The following ITPR3 variants were observed in gnomAD, a reference collection of about 807,000 sequenced individuals.
ITPR3 encodes inositol 1,4,5-trisphosphate receptor type 3.
Under a neutral mutation model 293.2 loss-of-function variants are expected in ITPR3, and 173 were observed. That is an observed-to-expected ratio of 0.59 (90% CI 0.52 to 0.67). The LOEUF (loss-of-function observed/expected upper bound fraction) is 0.67. Ranked by LOEUF, ITPR3 falls within the 30% of genes least tolerant of loss-of-function variation. The probability of loss-of-function intolerance (pLI) is 0.00; values close to 1 mark genes in which losing one functional copy is unlikely to be tolerated. For synonymous variants in ITPR3, 1,295 were observed against 1,444.4 expected (o/e 0.90, Z 2.35); for missense variants, 2,796 against 3,592.1 (o/e 0.78, Z 5.66).
Position 33,640,621 on chromosome 6 carries a change from T to A in ITPR3, c.160+67T>A, listed in dbSNP as rs1354332459. The A allele has an allele frequency of 3.1e-6, 4 of 1,304,518 alleles. No homozygotes were observed. In the East Asian group the frequency reaches 9.6e-5, roughly 31 times the overall value. The allele number at this position is 1,304,518 out of a possible 1,614,324, so 80.8% of individuals were successfully genotyped here. On this transcript the variant is annotated intron_variant, in intron 2 of 57. Coordinates refer to ENST00000605930, the MANE Select transcript of ITPR3 (RefSeq NM_002224.4). ...CAGGGTTCTGGACCTGCGACTGAAT[T>A]TATTCAACTGCATTCAGCCCCAGTG...
chr6:33,623,653 T>A (rs979343722), intron 1 of ITPR3, among the ~76,000 whole-genome samples: 1 of 151,978 alleles, frequency 6.6e-6, no homozygotes, highest in African/African-American at 2.4e-5. Flanking sequence ...GGAAAACATC[T>A]TATTGCTTCT....
chr6:33,659,365 T>G, intron 6 of ITPR3, 101 bp from the exon 7 acceptor site: 1 of 1,107,950 alleles, frequency 9.0e-7, no homozygotes, highest in Non-Finnish European at 1.3e-6. Context: ...CCTGTCCTTG[T>G]GCTGTAATGG....
Position 33,670,188 on chromosome 6 carries a change from A to T in ITPR3, c.2190-137A>T. The T allele has an allele frequency of 1.1e-6, 1 of 893,104 alleles. No homozygotes were observed. The allele number at this position is 893,104 out of a possible 1,614,324, so 55.3% of individuals were successfully genotyped here. ...AGACAGGTTTTCCGTTCACCTTTCT[A>T]ACTCAGAATTGCAGCTGGCGCATCT... is the stretch of plus-strand genomic sequence containing the variant. On this transcript the variant is annotated intron_variant, in intron 18 of 57. Transcript: ENST00000605930. This position sits in a 1 kb window ranked among gnomAD's most constrained non-coding sequence, Gnocchi z 6.7.
rs1247571210 is a variant in ITPR3 at position 33,678,824 on chromosome 6, C to A, written c.3957C>A (p.Asp1319Glu). 2 of 1,612,810 alleles carry A rather than the reference C, an allele frequency of 1.2e-6. No individual in the cohort carries two copies. The highest frequency in any genetic ancestry group is 1.7e-6 in the Non-Finnish European group (2 of 1,179,644). The change falls in exon 30 of 58, where the codon GAC becomes GAA. Residue 1319 changes from aspartate to glutamate, a missense_variant. Physicochemically the swap from Asp to Glu is conservative, Grantham distance 45 (BLOSUM62 2). Transcript: ENST00000605930. The stretch of plus-strand genomic sequence containing the variant: ...GCAAGTACGTCAAGAAGTGCCAGGA[C>A]ATGATCATGACTGAGGTGAGGGCGG... ...AEGKYVKKCQDMIMTELTNAG... is the reference protein window; with the variant it reads ...AEGKYVKKCQEMIMTELTNAG...
rs1765534356 is a variant in ITPR3, at chr6:33,695,954, C to CA, written c.*175dup. On this transcript the variant is annotated 3_prime_UTR_variant, in exon 58 of 58. Coordinates refer to ENST00000605930, the MANE Select transcript of ITPR3 (RefSeq NM_002224.4). ...TTTGAAGAGCATGGAGGGGGAGCCT[C>CA]AGAGCTGACAGTCCTGCTTAGAGCC... 1.6e-6 allele frequency: 1 copy of CA among 616,032 alleles called. No individual in the cohort carries two copies. Among genetic ancestry groups the CA allele is most frequent in the East Asian group, 2.8e-5 (1 of 36,276 alleles). The allele number at this position is 616,032 out of a possible 1,614,324, so 38.2% of individuals were successfully genotyped here.
At chr6:33,668,004 C>T (rs376139142) in intron 16 of ITPR3, 40 bp downstream of exon 16, 119 of 1,606,826 alleles carry the variant, frequency 7.4e-5, no homozygotes, top group Non-Finnish European at 9.0e-5. Flanking sequence ...CCTGCTCCTC[C>T]CTCCTCCCTT....
chr6:33,662,210 T>C (rs961119115), intron 7 of ITPR3, among the ~76,000 whole-genome samples: 1 of 151,684 alleles, frequency 6.6e-6, no homozygotes, highest in African/African-American at 2.4e-5. Context: ...AGGGGGTGAC[T>C]GGAGATGGGC....
chr6:33,647,163 G>A (rs1764088481), intron 2 of ITPR3, among the ~76,000 whole-genome samples: 1 of 152,070 alleles, frequency 6.6e-6, no homozygotes, highest in African/African-American at 2.4e-5. Context: ...TGGGACTACA[G>A]GTGCGTGCCA....
At chr6:33,623,326 G>GTTTTTT (rs60711686) in intron 1 of ITPR3, among the ~76,000 whole-genome samples, 2 of 137,432 alleles carry the variant, frequency 1.5e-5, no homozygotes, top group Non-Finnish European at 1.5e-5. Flanking sequence ...TGTGAGTTTT[G>GTTTTTT]TTTTTTTTTT....
chr6:33,625,113 CT>C (rs1392222603), intron 1 of ITPR3, among the ~76,000 whole-genome samples: 1 of 152,296 alleles, frequency 6.6e-6, no homozygotes, highest in Admixed American at 6.5e-5. Flanking sequence ...GATGGAGTAG[CT>C]GATTAGGGCC....
At chr6:33,659,872 C>G (rs185151752) in intron 7 of ITPR3, among the ~76,000 whole-genome samples, 1 of 152,276 alleles carries the variant, frequency 6.6e-6, no homozygotes, top group African/African-American at 2.4e-5. Context: ...CCTTCCTCTC[C>G]CCAACTCCTG....
rs1763434426 is a variant in ITPR3 at position 33,621,481 on chromosome 6, C to G, written c.-122C>G. On this transcript the variant is annotated 5_prime_UTR_variant, in exon 1 of 58. Transcript: ENST00000605930. The surrounding 1 kb of genome is among the most constrained non-coding windows in gnomAD (Gnocchi z 7.7). ...GCCAGCCCGCCCCGGCCGCACCGAG[C>G]GTCGGGATCCGAGGTGGGAGCGTAC... The G allele has an allele frequency of 9.7e-6, 6 of 621,074 alleles. No individual in the cohort carries two copies. Among genetic ancestry groups the G allele is most frequent in the Admixed American group, 3.5e-5 (1 of 28,448 alleles). 38.5% of individuals were successfully genotyped at this position (621,074 alleles called of 1,614,324 possible).
At position 33,672,560 on chromosome 6, in the gene ITPR3, A is replaced by G. The variant is rs987219164; in HGVS notation, c.2928+332A>G. The stretch of plus-strand genomic sequence containing the variant: ...CCCCGTCTCTATTAAAAAAAATAGT[A>G]ATAACGATAAATAAATAAAAAGAAA... On this transcript the variant is annotated intron_variant, in intron 22 of 57. Coordinates refer to ENST00000605930, the MANE Select transcript of ITPR3 (RefSeq NM_002224.4). This position sits in a 1 kb window ranked among gnomAD's most constrained non-coding sequence, Gnocchi z 5.0. 1.3e-5 allele frequency among the ~76,000 whole-genome samples: 2 copies of G among 151,972 alleles called. No individual in the cohort carries two copies. Among genetic ancestry groups the G allele is most frequent in the African/African-American group, 2.4e-5 (1 of 41,364 alleles).
At position 33,695,961 on chromosome 6, in the gene ITPR3, G is replaced by T; in HGVS notation, c.*181G>T. On this transcript the variant is annotated 3_prime_UTR_variant, in exon 58 of 58. Transcript: ENST00000605930. ...AGCATGGAGGGGGAGCCTCAGAGCT[G>T]ACAGTCCTGCTTAGAGCCCTTAAAA... The T allele has an allele frequency of 1.6e-6, 1 of 611,382 alleles. No individual in the cohort carries two copies. Among genetic ancestry groups the T allele is most frequent in the South Asian group, 1.9e-5 (1 of 51,782 alleles). The allele number at this position is 611,382 out of a possible 1,614,324, so 37.9% of individuals were successfully genotyped here. A position where few individuals can be genotyped will look rare whatever the true frequency, so the allele number is the denominator to read the frequency against.
rs769536715 is a variant in ITPR3 at position 33,680,626 on chromosome 6, C to T, written c.4422C>T (p.Asp1474=). 2.5e-6 allele frequency: 4 copies of T among 1,614,022 alleles called. No homozygotes were observed. The highest frequency in any genetic ancestry group is 2.2e-5 in the South Asian group (2 of 91,092). The change falls in exon 33 of 58, where the codon GAC becomes GAT. Residue 1474 remains aspartate (D), a synonymous_variant. Coordinates refer to ENST00000605930, the MANE Select transcript of ITPR3 (RefSeq NM_002224.4). ...LEKYVLSVVL[D]TINAFFSSPF... is the part of the protein sequence containing the mutation. ...AGTACGTGCTGAGCGTTGTGCTGGA[C>T]ACCATCAACGCCTTCTTCAGCTCCC... is the stretch of plus-strand genomic sequence containing the variant.
At position 33,687,270 on chromosome 6, in the gene ITPR3, G is replaced by A; in HGVS notation, c.6120G>A (p.Glu2040=). The part of the protein sequence containing the change: ...KKAYLQEEER[E]NSEVSPREVG... ...CCTACCTGCAGGAGGAAGAGCGTGA[G>A]AACTCGGAGGTGAGCCCACGTGAAG... Residue 2040 remains glutamate (E), a synonymous_variant, in exon 45 of 58, where the codon GAG becomes GAA. Coordinates refer to ENST00000605930, the MANE Select transcript of ITPR3 (RefSeq NM_002224.4). This position sits in a 1 kb window ranked among gnomAD's most constrained non-coding sequence, Gnocchi z 5.3. 1.9e-6 allele frequency: 3 copies of A among 1,613,674 alleles called. No homozygotes were observed. The highest frequency in any genetic ancestry group is 2.5e-6 in the Non-Finnish European group (3 of 1,179,776).
Position 33,678,747 on chromosome 6 carries a change from G to T in ITPR3, c.3880G>T (p.Gly1294Trp). The change falls in exon 30 of 58, where the codon GGG becomes TGG. Residue 1294 changes from glycine (G) to tryptophan (W), a missense_variant. Physicochemically the swap from Gly to Trp is radical, Grantham distance 184. This residue lies in a region of ITPR3 where 344 missense variants were observed against 460.3 expected (regional missense o/e 0.75). Transcript: ENST00000605930. Reference protein sequence around the residue: ...QHFVHLLATHGRHVQYLDFLH... With the variant: ...QHFVHLLATHWRHVQYLDFLH... ...CTTCGTGCACCTGCTGGCCACGCACGGGCGCCATGTGCAGTACCTGGACTT... is the reference window on the plus strand; with the variant it reads ...CTTCGTGCACCTGCTGGCCACGCACTGGCGCCATGTGCAGTACCTGGACTT... The T allele has an allele frequency of 6.2e-7, 1 of 1,613,520 alleles. No homozygotes were observed. Among genetic ancestry groups the T allele is most frequent in the Non-Finnish European group, 8.5e-7 (1 of 1,179,882 alleles).
At position 33,670,961 on chromosome 6, in the gene ITPR3, A is replaced by G. The variant is rs541364140; in HGVS notation, c.2586+146A>G. ...CAGCCAGTGCAGGGGGACCGCATAGAAGGCTGGGATTCTCCAAGAGGCAGG... is the reference window on the plus strand; with the variant it reads ...CAGCCAGTGCAGGGGGACCGCATAGGAGGCTGGGATTCTCCAAGAGGCAGG... On this transcript the variant is annotated intron_variant, in intron 20 of 57. Coordinates refer to ENST00000605930, the MANE Select transcript of ITPR3 (RefSeq NM_002224.4). This position sits in a 1 kb window ranked among gnomAD's most constrained non-coding sequence, Gnocchi z 6.7. The G allele has an allele frequency of 7.6e-7, 1 of 1,317,316 alleles. No individual in the cohort carries two copies. Among genetic ancestry groups the G allele is most frequent in the South Asian group, 1.4e-5 (1 of 72,558 alleles). The allele number at this position is 1,317,316 out of a possible 1,614,324, so 81.6% of individuals were successfully genotyped here.
At chr6:33,693,762 C>A in intron 56 of ITPR3, 57 bp downstream of exon 56, 1 of 1,583,520 alleles carries the variant, frequency 6.3e-7, no homozygotes, top group Non-Finnish European at 8.6e-7. Context: ...CTAGAGTCAT[C>A]ACTGTGCACC....
Sources: gnomAD v4.1 joint callset for allele counts (sites outside exome capture counted in the v4.1 genomes callset) on GRCh38, gnomAD v4.1.1 for gene constraint, gnomAD v4.1.1 regional missense constraint, Gnocchi (gnomAD v3.1) non-coding constraint, MANE v1.5 for transcripts, NCBI Gene and HGNC (gene_info 2026-07-23, HGNC 2026-07-21) for gene names.